Variants in RBAK observed in about 807,000 individuals in gnomAD.
RBAK encodes RB associated KRAB zinc finger.
In RBAK, 39 loss-of-function variants were observed where a neutral mutation model predicts 65.8. The ratio of observed to expected loss-of-function variants is 0.59; its 90% CI spans 0.46 to 0.77. The LOEUF (loss-of-function observed/expected upper bound fraction) is 0.77. Among genes scored for constraint, RBAK ranks in the 30% least tolerant of loss-of-function variants. The pLI is 0.00. For synonymous variants in RBAK, 343 were observed against 289.7 expected (o/e 1.18, Z -1.87); for missense variants, 884 against 855.1 (o/e 1.03, Z -0.42).
intron 2 of RBAK, chr7:5,056,878 G>A (rs1347749474): frequency 6.6e-6 from 1 of 152,548 alleles, no homozygotes; most frequent in Middle Eastern, 3.4e-3. Context: ...CTGGCAGCAA[G>A]GAAGACTAAA....
Position 5,065,069 on chromosome 7 carries a change from C to G in RBAK, c.1613C>G (p.Ser538Cys), listed in dbSNP as rs1779183107. The G allele has an allele frequency of 1.9e-6, 3 of 1,613,692 alleles. No homozygotes were observed. Among genetic ancestry groups the G allele is most frequent in the Admixed American group, 1.7e-5 (1 of 59,966 alleles). The change falls in exon 5 of 5, where the codon TCC (serine) becomes TGC (cysteine). Residue 538 changes from serine to cysteine, a missense_variant. Transcript: ENST00000396912. The surrounding 1 kb of genome is among the most constrained non-coding windows in gnomAD (Gnocchi z 5.3). ...GHQPLPKGEK[S>C]YECNVCGKLF... ...CAGCCACTTCCAAAAGGGGAGAAAT[C>G]CTATGAATGTAATGTATGTGGAAAG...
At chr7:5,051,772 T>A (rs181488573) in intron 2 of RBAK, among the ~76,000 whole-genome samples, 11 of 152,220 alleles carry the variant, frequency 7.2e-5, no homozygotes, top group Non-Finnish European at 1.6e-4. Context: ...AATTTTTGTC[T>A]GGAACACTAC....
chr7:5,067,337 G>A lies in RBAK; in HGVS notation c.*1736G>A, dbSNP rs1208080336. 1 of 152,106 alleles carries A rather than the reference G, an allele frequency of 6.6e-6. No individual in the cohort carries two copies. Among genetic ancestry groups the A allele is most frequent in the African/African-American group, 2.4e-5 (1 of 41,438 alleles). The allele number at this position is 152,106 out of a possible 1,614,324, so 9.4% of individuals were successfully genotyped here. A position where few individuals can be genotyped will look rare whatever the true frequency, so the allele number is the denominator to read the frequency against. ...TCCCTGCATAAAAGTTATGCAAAAA[G>A]CATTTTATGATATACCAGCAAAAAA... On this transcript the variant is annotated 3_prime_UTR_variant, in exon 5 of 5. Transcript: ENST00000396912.
In RBAK at chr7:5,048,110, G is replaced by T; in HGVS notation, c.15+19G>T. 1 of 1,589,798 alleles carries T rather than the reference G, an allele frequency of 6.3e-7. No individual in the cohort carries two copies. Among genetic ancestry groups the T allele is most frequent in the Non-Finnish European group, 8.6e-7 (1 of 1,168,408 alleles). On this transcript the variant is annotated intron_variant, in intron 2 of 4. Transcript: ENST00000396912. The surrounding 1 kb of genome is among the most constrained non-coding windows in gnomAD (Gnocchi z 4.4). ...ATTGCAGGTGAGTTTTCATGCTTGT[G>T]TATATGTTCCTCAACTTTATTTTAT...
rs1246597237 is a variant in RBAK, at chr7:5,057,220, C to T, written c.16-75C>T. On this transcript the variant is annotated intron_variant, in intron 2 of 4. Transcript: ENST00000396912. The stretch of plus-strand genomic sequence containing the variant: ...TATACAATGTTTATGGTTAACTTTA[C>T]CGGTGGGCTTTGTAAAACGTTATCC... The T allele has an allele frequency of 2.5e-6, 4 of 1,608,972 alleles. No homozygotes were observed. In the African/African-American group the frequency reaches 5.4e-5, roughly 22 times the overall value.
intron 2 of RBAK, among the ~76,000 whole-genome samples, chr7:5,055,285 C>T (rs1011198952): frequency 3.5e-5 from 5 of 144,702 alleles, no homozygotes; most frequent in South Asian, 2.2e-4. Flanking sequence ...TGTGTGCGTG[C>T]GTGTATATAC....
Position 5,064,267 on chromosome 7 carries a change from T to C in RBAK, c.811T>C (p.Cys271Arg). The stretch of plus-strand genomic sequence containing the variant: ...ATGCAGTGAATGTGGAAAATCCTTC[T>C]GTAAAAAGTCAAAATTCATCATCCA... ...FECSECGKSF[C>R]KKSKFIIHQR... Residue 271 changes from cysteine (C) to arginine (R), a missense_variant, in exon 5 of 5, where the codon TGT becomes CGT. Physicochemically the swap from Cys to Arg is radical, Grantham distance 180. Coordinates refer to ENST00000396912, the MANE Select transcript of RBAK (RefSeq NM_021163.4). This position sits in a 1 kb window ranked among gnomAD's most constrained non-coding sequence, Gnocchi z 6.3. 6.2e-7 allele frequency: 1 copy of C among 1,614,122 alleles called. No homozygotes were observed. The highest frequency in any genetic ancestry group is 8.5e-7 in the Non-Finnish European group (1 of 1,180,000).
In RBAK at chr7:5,054,517, G is replaced by C. The variant is rs569589089; in HGVS notation, c.16-2778G>C. On this transcript the variant is annotated intron_variant, in intron 2 of 4. Transcript: ENST00000396912. The stretch of plus-strand genomic sequence containing the variant: ...TTGTTATGTGCCATTTCAGGTTGGA[G>C]GGTATATCCAGTACCTGTTAGTTTA... 5.3e-5 allele frequency among the ~76,000 whole-genome samples: 8 copies of C among 152,154 alleles called. No homozygotes were observed. The East Asian group carries it at 1.5e-3, about 29-fold the overall frequency.
Position 5,046,524 on chromosome 7 carries a change from G to T in RBAK, c.-45+128G>T, listed in dbSNP as rs1489268231. 1.1e-5 allele frequency: 4 copies of T among 363,646 alleles called. No individual in the cohort carries two copies. In the East Asian group the frequency reaches 3.3e-4, roughly 30 times the overall value. The allele number at this position is 363,646 out of a possible 1,614,324, so 22.5% of individuals were successfully genotyped here. ...GCAGGAGAGACGTGTGTTTGGGTTT[G>T]AGGGCAGGGTCCGGCTGCACCGAAC... On this transcript the variant is annotated intron_variant, in intron 1 of 4. Coordinates refer to ENST00000396912, the MANE Select transcript of RBAK (RefSeq NM_021163.4).
chr7:5,059,471 G>T (rs1041560029), intron 4 of RBAK, among the ~76,000 whole-genome samples: 1 of 151,742 alleles, frequency 6.6e-6, no homozygotes, highest in Non-Finnish European at 1.5e-5. Context: ...ACAGGCGCAC[G>T]CCACCATGCC....
chr7:5,065,537 T>G lies in RBAK; in HGVS notation c.2081T>G (p.Phe694Cys). 6.3e-7 allele frequency: 1 copy of G among 1,586,592 alleles called. No homozygotes were observed. The highest frequency in any genetic ancestry group is 1.4e-5 in the African/African-American group (1 of 73,934). Residue 694 changes from phenylalanine to cysteine, a missense_variant, in exon 5 of 5, where the codon TTC becomes TGC. Transcript: ENST00000396912. The surrounding 1 kb of genome is among the most constrained non-coding windows in gnomAD (Gnocchi z 5.3). ...AAAAAATTCCACCACAGATCAGCCT[T>G]CAATAGCCATCAGAGAATTCATAGA... The part of the protein sequence containing the change: ...CGKKFHHRSA[F>C]NSHQRIHRRG...
intron 4 of RBAK, among the ~76,000 whole-genome samples, chr7:5,058,692 T>A (rs1289185443): frequency 3.9e-5 from 6 of 152,122 alleles, no homozygotes. Context: ...TGTGTTCATT[T>A]CCCCTTCCCC....
intron 2 of RBAK, among the ~76,000 whole-genome samples, chr7:5,052,945 A>G (rs1382589321): frequency 1.3e-5 from 2 of 152,060 alleles, no homozygotes; most frequent in Non-Finnish European, 2.9e-5. Context: ...TTTTTAGTAG[A>G]GATGAGGTTT....
Position 5,065,776 on chromosome 7 carries a change from A to C in RBAK, c.*175A>C, listed in dbSNP as rs2115048445. ...AAGAATCCCGAAGAATGTAACAAGA[A>C]GCAAAGCCTTCAGCAAGATCATACG... On this transcript the variant is annotated 3_prime_UTR_variant, in exon 5 of 5. Coordinates refer to ENST00000396912, the MANE Select transcript of RBAK (RefSeq NM_021163.4). The surrounding 1 kb of genome is among the most constrained non-coding windows in gnomAD (Gnocchi z 5.3). 1 of 448,872 alleles carries C rather than the reference A, an allele frequency of 2.2e-6. No homozygotes were observed. The highest frequency in any genetic ancestry group is 3.8e-5 in the Admixed American group (1 of 26,124). 27.8% of individuals were successfully genotyped at this position (448,872 alleles called of 1,614,324 possible). A position where few individuals can be genotyped will look rare whatever the true frequency, so the allele number is the denominator to read the frequency against.
At chr7:5,057,083 A>C (rs1778936922) in intron 2 of RBAK, 2 of 205,914 alleles carry the variant, frequency 9.7e-6, no homozygotes, top group African/African-American at 4.8e-5. Context: ...TTTTTTATAT[A>C]TATTATATAT....
At chr7:5,052,823 G>A (rs1375225701) in intron 2 of RBAK, among the ~76,000 whole-genome samples, 4 of 152,088 alleles carry the variant, frequency 2.6e-5, no homozygotes, top group Non-Finnish European at 2.9e-5. Context: ...GCAGGGGTGC[G>A]ATCTTGGCTC....
chr7:5,064,596 A>G lies in RBAK; in HGVS notation c.1140A>G (p.Lys380=). 6.2e-7 allele frequency: 1 copy of G among 1,614,116 alleles called. No homozygotes were observed. Among genetic ancestry groups the G allele is most frequent in the Non-Finnish European group, 8.5e-7 (1 of 1,179,988 alleles). Residue 380 remains lysine, a synonymous_variant, in exon 5 of 5, where the codon AAA becomes AAG. Coordinates refer to ENST00000396912, the MANE Select transcript of RBAK (RefSeq NM_021163.4). This position sits in a 1 kb window ranked among gnomAD's most constrained non-coding sequence, Gnocchi z 6.3. ...CCTATCCATGTAACGAATGTGGGAAATCCTTCTCCCGCAAGTCTGCTCTCA... is the reference window on the plus strand; with the variant it reads ...CCTATCCATGTAACGAATGTGGGAAGTCCTTCTCCCGCAAGTCTGCTCTCA... ...ERPYPCNECG[K]SFSRKSALSD...
Position 5,048,487 on chromosome 7 carries a change from T to C in RBAK, c.15+396T>C, listed in dbSNP as rs1788044642. Among the ~76,000 whole-genome samples the C allele has an allele frequency of 1.3e-5, 2 of 152,204 alleles. No individual in the cohort carries two copies. The highest frequency in any genetic ancestry group is 4.8e-5 in the African/African-American group (2 of 41,450). ...CCGCGCCCAGCCAGGATTCATACTT[T>C]AAAATGGGAATGTGGAAATAGACAT... On this transcript the variant is annotated intron_variant, in intron 2 of 4. Coordinates refer to ENST00000396912, the MANE Select transcript of RBAK (RefSeq NM_021163.4). This position sits in a 1 kb window ranked among gnomAD's most constrained non-coding sequence, Gnocchi z 4.4.
intron 2 of RBAK, among the ~76,000 whole-genome samples, chr7:5,050,738 C>T (rs985327233): frequency 2.6e-5 from 4 of 152,106 alleles, no homozygotes; most frequent in South Asian, 2.1e-4. Context: ...CAATGCCCAG[C>T]GAATTTTTTA....
Sources: allele counts gnomAD v4.1 joint callset (sites outside exome capture counted in the v4.1 genomes callset), GRCh38; gene constraint gnomAD v4.1.1; non-coding constraint Gnocchi (gnomAD v3.1); transcripts MANE v1.5; gene names NCBI Gene and HGNC (gene_info 2026-07-23, HGNC 2026-07-21).